NOMO1: variants seen among roughly 807,000 people sequenced by gnomAD.
NOMO1 encodes NODAL modulator 1.
NOMO1 carries 40 observed loss-of-function variants against 133.8 expected under a neutral mutation model. The ratio of observed to expected loss-of-function variants is 0.30; its 90% CI spans 0.23 to 0.39. The LOEUF is 0.39. NOMO1 is among the 10% of genes least tolerant of loss of function. The pLI, the probability that NOMO1 is intolerant of heterozygous loss-of-function variation, is 1.00. For synonymous variants in NOMO1, 236 were observed against 570.5 expected, an observed-to-expected ratio of 0.41 and a Z score of 8.36; for missense variants, 462 against 1,419.9, an observed-to-expected ratio of 0.33 and a Z score of 10.84.
chr16:14,856,092 T>C (rs1440520751), intron 9 of NOMO1, among the ~76,000 whole-genome samples: 1 of 152,098 alleles, frequency 6.6e-6, no homozygotes, highest in African/African-American at 2.4e-5. Flanking sequence ...ATTCATTCAT[T>C]CAGGAGTCAG....
At chr16:14,878,493 C>CAAAAAA (rs1184163940) in intron 22 of NOMO1, among the ~76,000 whole-genome samples, 1 of 39,038 alleles carries the variant, frequency 2.6e-5, no homozygotes, top group Non-Finnish European at 5.2e-5. Context: ...GACCCTGTCT[C>CAAAAAA]AAAAAAAAAA....
intron 3 of NOMO1, among the ~76,000 whole-genome samples, chr16:14,843,682 T>C (rs2151893097): frequency 6.6e-6 from 1 of 150,610 alleles, no homozygotes; most frequent in African/African-American, 2.4e-5. Context: ...AAGATTCCTG[T>C]TCAAGTCTTT....
At chr16:14,845,346 G>A (rs1020244866) in intron 4 of NOMO1, among the ~76,000 whole-genome samples, 38 of 151,932 alleles carry the variant, frequency 2.5e-4, no homozygotes, top group Non-Finnish European at 4.1e-4. Flanking sequence ...CGCTGTTAGC[G>A]TTTATGTCAG....
chr16:14,839,358 C>T (rs1963570485), intron 2 of NOMO1, among the ~76,000 whole-genome samples: 1 of 152,010 alleles, frequency 6.6e-6, no homozygotes, highest in African/African-American at 2.4e-5. Flanking sequence ...TTCCGGCCCT[C>T]TTATAAAATT....
At position 14,857,271 on chromosome 16, in the gene NOMO1, G is replaced by A. The variant is rs755847464; in HGVS notation, c.1018G>A (p.Glu340Lys). The A allele has an allele frequency of 3.2e-5, 52 of 1,604,710 alleles. No homozygotes were observed. The highest frequency in any genetic ancestry group is 1.7e-4 in the Middle Eastern group (1 of 6,052). Residue 340 changes from glutamate to lysine, a missense_variant, in exon 10 of 31, where the codon GAA becomes AAA. Physicochemically the swap from Glu to Lys is moderately conservative, Grantham distance 56. Transcript: ENST00000287667. ...SVTGRVLNGP[E>K]GDGVPEAVVT... ...CACCGGGAGGGTCTTGAACGGACCCGAAGGAGATGGTGTTCCAGAAGCAGT... is the reference window on the plus strand; with the variant it reads ...CACCGGGAGGGTCTTGAACGGACCCAAAGGAGATGGTGTTCCAGAAGCAGT...
chr16:14,879,614 G>GC (rs1280881132), intron 23 of NOMO1, among the ~76,000 whole-genome samples: 1 of 141,882 alleles, frequency 7.0e-6, no homozygotes, highest in Non-Finnish European at 1.5e-5. Flanking sequence ...GCATGGTGGT[G>GC]CATGCCTGTG....
At chr16:14,836,778 T>G (rs8047274) in intron 1 of NOMO1, among the ~76,000 whole-genome samples, 3,954 of 147,290 alleles carry the variant, frequency 0.027, 179 homozygotes, top group African/African-American at 0.093. Context: ...CAATCTCGGC[T>G]CACTGCAAGC....
chr16:14,883,293 G>A (rs928480416), intron 26 of NOMO1, among the ~76,000 whole-genome samples: 1 of 151,710 alleles, frequency 6.6e-6, no homozygotes, highest in African/African-American at 2.4e-5. Context: ...AGATTGTGAG[G>A]GAGGATAGAA....
chr16:14,836,694 CTTTTTTTT>C (rs954619401), intron 1 of NOMO1, among the ~76,000 whole-genome samples: 1 of 131,270 alleles, frequency 7.6e-6, no homozygotes, highest in African/African-American at 2.9e-5. Flanking sequence ...TTCCATTTTA[CTTTTTTTT>C]TTTTTTTTTT....
At chr16:14,870,909 C>T (rs1259898268) in intron 16 of NOMO1, among the ~76,000 whole-genome samples, 1 of 149,686 alleles carries the variant, frequency 6.7e-6, no homozygotes. Context: ...AATGAAAGAC[C>T]AAACAAAACA....
chr16:14,882,773 C>T (rs964543454), intron 26 of NOMO1, 96 bp downstream of exon 26: 65 of 1,597,406 alleles, frequency 4.1e-5, no homozygotes, highest in African/African-American at 2.7e-5. Flanking sequence ...TCATCTGTGG[C>T]GGGGGGAACT....
chr16:14,854,390 A>G (rs1963804043), intron 9 of NOMO1, among the ~76,000 whole-genome samples: 2 of 114,044 alleles, frequency 1.8e-5, no homozygotes, highest in African/African-American at 3.4e-5. Flanking sequence ...GCTGGAGTGC[A>G]GTGGTACGAT....
chr16:14,850,706 A>G (rs1244310044), intron 6 of NOMO1, among the ~76,000 whole-genome samples: 3 of 151,766 alleles, frequency 2.0e-5, no homozygotes, highest in African/African-American at 7.3e-5. Context: ...ATAATTGATG[A>G]TAGTTTCACA....
In NOMO1 at chr16:14,876,748, C is replaced by A; in HGVS notation, c.2601C>A (p.Ile867=). Residue 867 remains isoleucine, a synonymous_variant, in exon 22 of 31, where the codon ATC becomes ATA. Coordinates refer to ENST00000287667, the MANE Select transcript of NOMO1 (RefSeq NM_014287.4). The part of the protein sequence containing the change: ...GYVLTAVEGT[I]GDFKAYALAG... ...TTCTGACTGCGGTGGAAGGAACCAT[C>A]GGAGACTTCAAGGCCTATGCCCTGG... 1 of 1,610,752 alleles carries A rather than the reference C, an allele frequency of 6.2e-7. No individual in the cohort carries two copies. Among genetic ancestry groups the A allele is most frequent in the Non-Finnish European group, 8.5e-7 (1 of 1,179,726 alleles).
intron 9 of NOMO1, among the ~76,000 whole-genome samples, chr16:14,854,361 G>A (rs555186028): frequency 7.7e-6 from 1 of 130,618 alleles, no homozygotes; most frequent in Non-Finnish European, 1.6e-5. Flanking sequence ...TTAAGATAGG[G>A]TCTCACTGTG....
chr16:14,845,848 G>A (rs891993054), intron 4 of NOMO1, among the ~76,000 whole-genome samples: 13 of 150,894 alleles, frequency 8.6e-5, no homozygotes, highest in African/African-American at 2.9e-4. Flanking sequence ...ATTTTTTTGA[G>A]ACAGAGTCTC....
At chr16:14,834,044 C>G (rs1329889944) in intron 1 of NOMO1, 28 bp downstream of exon 1, 1 of 284,792 alleles carries the variant, frequency 3.5e-6, no homozygotes, top group Admixed American at 1.1e-4. Context: ...CGCCCGGCGC[C>G]GAGTCGCCGG....
Position 14,853,623 on chromosome 16 carries a change from C to G in NOMO1, c.873+19C>G, listed in dbSNP as rs762499699. 6.2e-7 allele frequency: 1 copy of G among 1,611,458 alleles called. No individual in the cohort carries two copies. Among genetic ancestry groups the G allele is most frequent in the Non-Finnish European group, 8.5e-7 (1 of 1,179,812 alleles). ...CACTGTGGTGAGTAAAGCAGATTTC[C>G]GTTCTGTTTATGTCTGAGACTCTCA... is the stretch of plus-strand genomic sequence containing the variant. On this transcript the variant is annotated intron_variant, in intron 8 of 30. Transcript: ENST00000287667.
chr16:14,884,351 A>C, intron 26 of NOMO1, 21 bp from the exon 27 acceptor site: 1 of 921,944 alleles, frequency 1.1e-6, no homozygotes, highest in South Asian at 1.5e-5. Flanking sequence ...CATTACTGGT[A>C]TTCCCTCTTT....
Sources: allele counts gnomAD v4.1 joint callset (sites outside exome capture counted in the v4.1 genomes callset), GRCh38; gene constraint gnomAD v4.1.1; transcripts MANE v1.5; gene names NCBI Gene and HGNC (gene_info 2026-07-23, HGNC 2026-07-21).